Variants in RNF150 observed in about 807,000 individuals in gnomAD.
The protein encoded by RNF150 is ring finger protein 150.
A neutral mutation model predicts 39.3 loss-of-function variants in RNF150; 24 were observed. That is an observed-to-expected ratio of 0.61 (90% CI 0.44 to 0.86). The LOEUF (loss-of-function observed/expected upper bound fraction) is 0.86, where lower values mean the gene tolerates loss of function less well. Among genes scored for constraint, RNF150 ranks in the 40% least tolerant of loss-of-function variants. The pLI, the probability that RNF150 is intolerant of heterozygous loss-of-function variation, is 0.00. For synonymous variants in RNF150, 255 were observed against 227.3 expected, an observed-to-expected ratio of 1.12 and a Z score of -1.10; for missense variants, 502 against 587.8, an observed-to-expected ratio of 0.85 and a Z score of 1.51.
At chr4:141,096,188 T>G (rs1738769435) in intron 1 of RNF150, among the ~76,000 whole-genome samples, 1 of 123,206 alleles carries the variant, frequency 8.1e-6, no homozygotes, top group African/African-American at 3.2e-5. Context: ...GTTTTTAGCT[T>G]TCTTTTTTTT....
rs17006720 is a variant in RNF150, at chr4:140,955,115, G to A, written c.736-5743C>T. Among the ~76,000 whole-genome samples the A allele has an allele frequency of 7.8e-3, 1,182 of 152,202 alleles. 16 individuals are homozygous for A. The highest frequency in any genetic ancestry group is 0.027 in the African/African-American group (1,133 of 41,530). ...CAAGAGTGACTGAAACGTTTTCTTC[G>A]TGCACTCTAATACATAATAATGATC... On this transcript the variant is annotated intron_variant, in intron 2 of 6. Coordinates refer to ENST00000515673, the MANE Select transcript of RNF150 (RefSeq NM_020724.2).
At chr4:141,183,553 A>T (rs763701301) in intron 1 of RNF150, among the ~76,000 whole-genome samples, 45 of 152,074 alleles carry the variant, frequency 3.0e-4, no homozygotes, top group Non-Finnish European at 2.4e-4. Flanking sequence ...TATTTTCATT[A>T]TACTTTAAGT....
intron 2 of RNF150, among the ~76,000 whole-genome samples, chr4:140,952,001 A>G (rs1212903102): frequency 1.3e-5 from 2 of 152,068 alleles, no homozygotes; most frequent in Non-Finnish European, 2.9e-5. Flanking sequence ...ATTATACTCA[A>G]AGGGAAATAA....
chr4:140,993,590 G>T (rs927623789), intron 1 of RNF150, among the ~76,000 whole-genome samples: 101 of 152,282 alleles, frequency 6.6e-4, no homozygotes, highest in African/African-American at 2.4e-3. Flanking sequence ...CATAGTGAAG[G>T]CCCCCGGCAT....
At chr4:141,097,597 T>C (rs1000391553) in intron 1 of RNF150, among the ~76,000 whole-genome samples, 5 of 152,164 alleles carry the variant, frequency 3.3e-5, no homozygotes, top group Non-Finnish European at 7.4e-5. Context: ...TAGCTCCATC[T>C]AATACTAGAT....
rs1560754178 is a variant in RNF150, at chr4:141,132,825, C to T, written c.-17G>A. The T allele has an allele frequency of 6.2e-7, 1 of 1,602,000 alleles. No homozygotes were observed. Among genetic ancestry groups the T allele is most frequent in the East Asian group, 2.3e-5 (1 of 44,366 alleles). On this transcript the variant is annotated 5_prime_UTR_variant, in exon 1 of 7. Coordinates refer to ENST00000515673, the MANE Select transcript of RNF150 (RefSeq NM_020724.2). This position sits in a 1 kb window ranked among gnomAD's most constrained non-coding sequence, Gnocchi z 4.9. Reference sequence around the variant, plus strand: ...CATTGCCATCTTTATCCGCCGGGGCCCCCTCCCCGCCCCCGCGCCCTCCCT... The same window carrying T: ...CATTGCCATCTTTATCCGCCGGGGCTCCCTCCCCGCCCCCGCGCCCTCCCT...
In RNF150 at chr4:141,111,440, G is replaced by GA. The variant is rs1739380705; in HGVS notation, c.484+20884dup. 2.6e-5 allele frequency among the ~76,000 whole-genome samples: 4 copies of GA among 152,232 alleles called. No homozygotes were observed. In the South Asian group the frequency reaches 8.3e-4, roughly 32 times the overall value. ...TGGATAATTTCGATGATATAGGCAG[G>GA]AAAAAGATTATAAATCCATTAACCA... is the stretch of plus-strand genomic sequence containing the variant. On this transcript the variant is annotated intron_variant, in intron 1 of 6. Coordinates refer to ENST00000515673, the MANE Select transcript of RNF150 (RefSeq NM_020724.2).
At chr4:140,998,732 C>T (rs1375030244) in intron 1 of RNF150, among the ~76,000 whole-genome samples, 1 of 152,142 alleles carries the variant, frequency 6.6e-6, no homozygotes, top group East Asian at 1.9e-4. Context: ...GGTCCTAGTT[C>T]CTGCAAAGCC....
At chr4:141,058,178 A>C (rs1737065825) in intron 1 of RNF150, among the ~76,000 whole-genome samples, 1 of 152,202 alleles carries the variant, frequency 6.6e-6, no homozygotes, top group Admixed American at 6.6e-5. Flanking sequence ...TGTGTTATTA[A>C]AGTAAACCTT....
At chr4:140,960,178 C>G (rs557898049) in intron 2 of RNF150, among the ~76,000 whole-genome samples, 204 of 152,260 alleles carry the variant, frequency 1.3e-3, no homozygotes, top group African/African-American at 4.8e-3. Context: ...TGAGAGTTGA[C>G]CTAAATGTGT....
chr4:141,130,863 G>C (rs1349648702), intron 1 of RNF150, among the ~76,000 whole-genome samples: 1 of 152,188 alleles, frequency 6.6e-6, no homozygotes, highest in Non-Finnish European at 1.5e-5. Flanking sequence ...CTCAAGGTGA[G>C]AGCACAATCT....
intron 1 of RNF150, among the ~76,000 whole-genome samples, chr4:141,206,906 C>A (rs945515864): frequency 3.3e-5 from 5 of 151,932 alleles, no homozygotes; most frequent in African/African-American, 1.2e-4. Flanking sequence ...GCCTGAGAAC[C>A]CCCGAGAAGC....
intron 4 of RNF150, chr4:140,944,776 C>T (rs1476256317): frequency 6.6e-6 from 1 of 151,898 alleles, no homozygotes; most frequent in Non-Finnish European, 1.5e-5. Context: ...GTTTTTATGC[C>T]AAGAAGATGC....
At chr4:141,044,302 A>G (rs1736478781) in intron 1 of RNF150, among the ~76,000 whole-genome samples, 1 of 152,202 alleles carries the variant, frequency 6.6e-6, no homozygotes, top group South Asian at 2.1e-4. Flanking sequence ...TTAACCACTT[A>G]GTAGCCCATG....
At chr4:141,042,563 C>T (rs1736411991) in intron 1 of RNF150, among the ~76,000 whole-genome samples, 1 of 152,018 alleles carries the variant, frequency 6.6e-6, no homozygotes, top group Non-Finnish European at 1.5e-5. Context: ...TAATTTTTCA[C>T]TATGCCCCTA....
intron 1 of RNF150, among the ~76,000 whole-genome samples, chr4:141,175,279 C>T (rs1184491250): frequency 6.6e-6 from 1 of 152,182 alleles, no homozygotes; most frequent in African/African-American, 2.4e-5. Flanking sequence ...TATTATATTA[C>T]CAGGCACTGT....
intron 6 of RNF150, among the ~76,000 whole-genome samples, chr4:140,904,507 G>A (rs958408120): frequency 3.9e-5 from 6 of 152,172 alleles, no homozygotes; most frequent in Admixed American, 2.0e-4. Context: ...GCCATTTCAG[G>A]CTTTAATGCA....
intron 1 of RNF150, among the ~76,000 whole-genome samples, chr4:141,001,908 T>C (rs73860209): frequency 6.6e-6 from 1 of 152,084 alleles, no homozygotes; most frequent in Non-Finnish European, 1.5e-5. Context: ...ACAATTATTT[T>C]AAGCAGTTTA....
chr4:141,045,835 C>T (rs1171013142), intron 1 of RNF150, among the ~76,000 whole-genome samples: 6 of 152,202 alleles, frequency 3.9e-5, no homozygotes, highest in East Asian at 3.9e-4. Context: ...TGAGCCACAG[C>T]GCCTGGCCTA....
Sources: allele counts gnomAD v4.1 joint callset (sites outside exome capture counted in the v4.1 genomes callset), GRCh38; gene constraint gnomAD v4.1.1; non-coding constraint Gnocchi (gnomAD v3.1); transcripts MANE v1.5; gene names NCBI Gene and HGNC (gene_info 2026-07-23, HGNC 2026-07-21).